Variants in PCDHA2 observed in about 807,000 individuals in gnomAD.
PCDHA2 encodes protocadherin alpha-2.
In PCDHA2, 58 loss-of-function variants were observed where a neutral mutation model predicts 66.0. That is an observed-to-expected ratio of 0.88 (90% CI 0.71 to 1.09). The LOEUF (loss-of-function observed/expected upper bound fraction) is 1.09, where lower values mean the gene tolerates loss of function less well. Ranked by LOEUF, PCDHA2 falls within the 50% of genes least tolerant of loss-of-function variation. The probability of loss-of-function intolerance (pLI) is 0.00; values close to 1 mark genes in which losing one functional copy is unlikely to be tolerated. For synonymous variants in PCDHA2, 634 were observed against 554.0 expected, an observed-to-expected ratio of 1.14 and a Z score of -2.03; for missense variants, 1,267 against 1,242.3, an observed-to-expected ratio of 1.02 and a Z score of -0.30.
intron 1 of PCDHA2, among the ~76,000 whole-genome samples, chr5:140,907,844 C>T (rs1402744978): frequency 1.3e-5 from 2 of 152,218 alleles, no homozygotes; most frequent in African/African-American, 4.8e-5. Context: ...TATTAAAATC[C>T]TCCTCTGCTG....
In PCDHA2 at chr5:140,876,882, G is replaced by A. The variant is rs377092859; in HGVS notation, c.2388+79530G>A. The A allele has an allele frequency of 3.2e-5, 52 of 1,614,140 alleles. 1 individual carries two copies. The African/African-American group carries it at 4.3e-4, about 13-fold the overall frequency. On this transcript the variant is annotated intron_variant, in intron 1 of 3. Transcript: ENST00000526136. ...TGTTCGTGAAGGAGAACAACCCGCC[G>A]GGCTGCCACATCTTCACGGTGTCGG...
intron 1 of PCDHA2, chr5:140,870,409 G>A (rs2051982376): frequency 1.9e-6 from 3 of 1,614,226 alleles, no homozygotes; most frequent in African/African-American, 1.3e-5. Context: ...TTCTCTGTGG[G>A]CCACGGCCAG....
chr5:140,823,849 C>A (rs1767900839), intron 1 of PCDHA2: 2 of 1,613,738 alleles, frequency 1.2e-6, no homozygotes, highest in Non-Finnish European at 1.7e-6. Flanking sequence ...CGAGGCTGCC[C>A]TGGTGGATGT....
At chr5:140,927,200 AC>A in intron 1 of PCDHA2, 1 of 1,614,014 alleles carries the variant, frequency 6.2e-7, no homozygotes, top group Non-Finnish European at 8.5e-7. Context: ...GTGCTCGAGG[AC>A]CCGCTGGAGC....
intron 1 of PCDHA2, among the ~76,000 whole-genome samples, chr5:140,890,160 C>T (rs1554184178): frequency 1.3e-5 from 2 of 152,246 alleles, no homozygotes; most frequent in East Asian, 3.9e-4. Context: ...AGTATTTCTG[C>T]CACAGAAATA....
chr5:140,933,314 G>C (rs925777839), intron 1 of PCDHA2, among the ~76,000 whole-genome samples: 1 of 151,914 alleles, frequency 6.6e-6, no homozygotes, highest in African/African-American at 2.4e-5. Context: ...ATGCAATCTC[G>C]TATTCTCCTG....
At chr5:140,864,895 G>T (rs1212830646) in intron 1 of PCDHA2, 1 of 152,160 alleles carries the variant, frequency 6.6e-6, no homozygotes, top group African/African-American at 2.4e-5. Context: ...AAGCTGCATG[G>T]TCTTCAGAAT....
chr5:140,995,372 G>A (rs1363484150), intron 3 of PCDHA2, among the ~76,000 whole-genome samples: 3 of 152,168 alleles, frequency 2.0e-5, no homozygotes, highest in African/African-American at 7.2e-5. Context: ...GATGATTCAC[G>A]TACTGGGCAG....
chr5:140,797,338 G>C lies in PCDHA2; in HGVS notation c.2374G>C (p.Glu792Gln). 6.2e-7 allele frequency: 1 copy of C among 1,614,096 alleles called. No individual in the cohort carries two copies. The highest frequency in any genetic ancestry group is 1.1e-5 in the South Asian group (1 of 91,082). Residue 792 changes from glutamate (E) to glutamine (Q), a missense_variant, in exon 1 of 4, where the codon GAA becomes CAA. Coordinates refer to ENST00000526136, the MANE Select transcript of PCDHA2 (RefSeq NM_018905.3). ...SAEEKQLSES[E>Q]YVGKPRQPNP... ...AGAAGAGAAACAGCTCTCAGAATCA[G>C]AATACGTAGGAAAGGTGAGTCTTTT...
In PCDHA2 at chr5:140,846,371, T is replaced by C. The variant is rs1395202174; in HGVS notation, c.2388+49019T>C. On this transcript the variant is annotated intron_variant, in intron 1 of 3. Transcript: ENST00000526136. ...CTCTTTTTTCTTTTCTTTTCTTTCTTTCTTTTTTTTTTTTTTTTTTTGAGA... is the reference window on the plus strand; with the variant it reads ...CTCTTTTTTCTTTTCTTTTCTTTCTCTCTTTTTTTTTTTTTTTTTTTGAGA... Among the ~76,000 whole-genome samples the C allele has an allele frequency of 3.6e-5, 4 of 111,996 alleles. 2 individuals carry two copies. Among genetic ancestry groups the C allele is most frequent in the Non-Finnish European group, 7.2e-5 (4 of 55,194 alleles). 73.5% of individuals were successfully genotyped at this position (111,996 alleles called of 152,430 possible).
intron 1 of PCDHA2, among the ~76,000 whole-genome samples, chr5:140,941,255 C>CTTTCTTTCTCTT (rs782490896): frequency 9.0e-5 from 4 of 44,506 alleles, no homozygotes; most frequent in Non-Finnish European, 1.5e-4. Flanking sequence ...TTCTTTCTTT[C>CTTTCTTTCTCTT]TCTTTCTTTC....
intron 1 of PCDHA2, chr5:140,966,601 T>C: frequency 1.5e-6 from 1 of 652,170 alleles, no homozygotes; most frequent in East Asian, 3.4e-5. Flanking sequence ...CCAGGAGCCC[T>C]TGGGAGGGCC....
At chr5:140,802,691 G>C (rs1554122285) in intron 1 of PCDHA2, 3 of 1,612,968 alleles carry the variant, frequency 1.9e-6, no homozygotes, top group Admixed American at 1.7e-5. Context: ...TGGAACGGCG[G>C]GTGGGGGAGC....
chr5:140,822,952 C>T, intron 1 of PCDHA2: 1 of 1,614,248 alleles, frequency 6.2e-7, no homozygotes, highest in Non-Finnish European at 8.5e-7. Context: ...GCCCCACGTT[C>T]CCTTCAAGCT....
intron 1 of PCDHA2, chr5:140,808,723 G>A (rs1764247036): frequency 2.5e-6 from 4 of 1,612,108 alleles, no homozygotes; most frequent in South Asian, 2.2e-5. Flanking sequence ...CGGTGCATGC[G>A]GAGAGCGGCA....
chr5:140,833,279 A>C (rs1772393333), intron 1 of PCDHA2, among the ~76,000 whole-genome samples: 1 of 152,198 alleles, frequency 6.6e-6, no homozygotes, highest in Non-Finnish European at 1.5e-5. Flanking sequence ...AAACTTATTT[A>C]GGAAAGCATC....
intron 1 of PCDHA2, chr5:140,829,604 T>C: frequency 1.2e-6 from 2 of 1,612,064 alleles, no homozygotes; most frequent in Non-Finnish European, 1.7e-6. Context: ...GCGCGCGTTG[T>C]CGAGCTACAT....
At chr5:140,801,905 C>T in intron 1 of PCDHA2, 2 of 1,614,138 alleles carry the variant, frequency 1.2e-6, no homozygotes, top group Non-Finnish European at 1.7e-6. Context: ...TAGATGTAAA[C>T]GACAACGCCC....
intron 3 of PCDHA2, among the ~76,000 whole-genome samples, chr5:140,998,180 A>C (rs2097799784): frequency 6.6e-6 from 1 of 152,122 alleles, no homozygotes; most frequent in East Asian, 1.9e-4. Context: ...TATTCTAAGC[A>C]CTTTACAAGT....
Sources: gnomAD v4.1 joint callset for allele counts (sites outside exome capture counted in the v4.1 genomes callset) on GRCh38, gnomAD v4.1.1 for gene constraint, MANE v1.5 for transcripts, NCBI Gene and HGNC (gene_info 2026-07-23, HGNC 2026-07-21) for gene names.